Variants in HLF observed in about 807,000 individuals in gnomAD.
HLF encodes the protein hepatic leukemia factor.
In HLF, 3 loss-of-function variants were observed where a neutral mutation model predicts 22.6. The observed-to-expected ratio is 0.13, with a 90% confidence interval of 0.06 to 0.34. HLF has a LOEUF of 0.34. HLF is among the 10% of genes least tolerant of loss of function. HLF has a pLI of 1.00. For synonymous variants in HLF, 151 were observed against 151.8 expected, an observed-to-expected ratio of 0.99 and a Z score of 0.04; for missense variants, 299 against 389.2, an observed-to-expected ratio of 0.77 and a Z score of 1.95.
chr17:55,309,058 G>A (rs773753115), intron 2 of HLF, among the ~76,000 whole-genome samples: 3 of 152,208 alleles, frequency 2.0e-5, no homozygotes, highest in Non-Finnish European at 4.4e-5. Context: ...CATTCTGTTG[G>A]CCAGTGCAAG....
chr17:55,316,483 C>G (rs1351925035), intron 3 of HLF, among the ~76,000 whole-genome samples: 1 of 152,248 alleles, frequency 6.6e-6, no homozygotes, highest in Non-Finnish European at 1.5e-5. Flanking sequence ...GCAGAAGTAC[C>G]TGGCAAATTT....
At chr17:55,283,280 T>C (rs1223971350) in intron 2 of HLF, among the ~76,000 whole-genome samples, 4 of 152,128 alleles carry the variant, frequency 2.6e-5, no homozygotes, top group Non-Finnish European at 5.9e-5. Flanking sequence ...CCTGTGATAG[T>C]AGGTTTCATC....
intron 2 of HLF, among the ~76,000 whole-genome samples, chr17:55,299,647 G>A (rs575958191): frequency 7.2e-5 from 11 of 152,270 alleles, no homozygotes; most frequent in African/African-American, 2.4e-4. Context: ...CACGTCTAGC[G>A]CACTGCAGCC....
chr17:55,295,555 G>A (rs887130935), intron 2 of HLF, among the ~76,000 whole-genome samples: 1 of 152,192 alleles, frequency 6.6e-6, no homozygotes, highest in Admixed American at 6.5e-5. Context: ...TCTCAAACGT[G>A]GTGTTTAAAG....
intron 2 of HLF, among the ~76,000 whole-genome samples, chr17:55,277,579 T>C (rs2080916840): frequency 1.3e-5 from 2 of 150,942 alleles, no homozygotes; most frequent in South Asian, 4.2e-4. Flanking sequence ...TGTTTCATAT[T>C]GGGAGTACTA....
chr17:55,309,870 A>G (rs931116036), intron 2 of HLF, among the ~76,000 whole-genome samples: 1 of 152,218 alleles, frequency 6.6e-6, no homozygotes, highest in Non-Finnish European at 1.5e-5. Context: ...TAACACTATA[A>G]TTTGTGACTT....
chr17:55,297,401 C>T (rs1390056353), intron 2 of HLF, among the ~76,000 whole-genome samples: 1 of 152,080 alleles, frequency 6.6e-6, no homozygotes, highest in African/African-American at 2.4e-5. Context: ...GAAATGTTCC[C>T]AGGTTGGCAC....
rs556300669 is a variant in HLF at position 55,322,464 on chromosome 17, GAGA to G, written c.*1591_*1593del. The G allele has an allele frequency of 2.9e-5, 6 of 206,762 alleles. No homozygotes were observed. Among genetic ancestry groups the G allele is most frequent in the African/African-American group, 4.6e-5 (2 of 43,852 alleles). The allele number at this position is 206,762 out of a possible 1,614,324, so 12.8% of individuals were successfully genotyped here. On this transcript the variant is annotated 3_prime_UTR_variant, in exon 4 of 4. Transcript: ENST00000226067. The stretch of plus-strand genomic sequence containing the variant: ...GATATATATTCACCAATGTTGTACA[GAGA>G]AGAAGTGCTTGGGGGTTTTTGAAGT...
At position 55,282,634 on chromosome 17, in the gene HLF, G is replaced by C. The variant is rs576109013; in HGVS notation, c.451+14548G>C. 1.6e-4 allele frequency among the ~76,000 whole-genome samples: 24 copies of C among 152,294 alleles called. No individual in the cohort carries two copies. In the South Asian group the frequency reaches 4.6e-3, roughly 29 times the overall value. ...AGTTTGTCAGCATTAGATGTCTCTG[G>C]ACAGGACAGGTCACCAAATCTCTCA... On this transcript the variant is annotated intron_variant, in intron 2 of 3. Transcript: ENST00000226067.
intron 2 of HLF, among the ~76,000 whole-genome samples, chr17:55,297,384 T>A (rs1228399817): frequency 6.6e-6 from 1 of 152,204 alleles, no homozygotes; most frequent in Non-Finnish European, 1.5e-5. Context: ...TTCTCTTATT[T>A]CAGTTTGAAA....
In HLF at chr17:55,320,938, G is replaced by A; in HGVS notation, c.*59G>A. 2 of 1,362,574 alleles carry A rather than the reference G, an allele frequency of 1.5e-6. No homozygotes were observed. Among genetic ancestry groups the A allele is most frequent in the Non-Finnish European group, 2.0e-6 (2 of 978,150 alleles). 84.4% of individuals were successfully genotyped at this position (1,362,574 alleles called of 1,614,324 possible). ...TGGACAGTTTGTTTCCTGTCTGATA[G>A]CACCACACGCAAACCAACCTTTCTG... is the stretch of plus-strand genomic sequence containing the variant. On this transcript the variant is annotated 3_prime_UTR_variant, in exon 4 of 4. Coordinates refer to ENST00000226067, the MANE Select transcript of HLF (RefSeq NM_002126.5). The surrounding 1 kb of genome is among the most constrained non-coding windows in gnomAD (Gnocchi z 4.2).
At chr17:55,280,762 A>G (rs565298326) in intron 2 of HLF, among the ~76,000 whole-genome samples, 81 of 152,310 alleles carry the variant, frequency 5.3e-4, no homozygotes, top group Non-Finnish European at 7.8e-4. Context: ...TCTCTCAAAT[A>G]CATAATTCTT....
chr17:55,269,126 G>T (rs572850750), intron 2 of HLF, among the ~76,000 whole-genome samples: 1 of 152,276 alleles, frequency 6.6e-6, no homozygotes, highest in African/African-American at 2.4e-5. Context: ...CTCGACTCTT[G>T]TAGAAATTTC....
intron 2 of HLF, among the ~76,000 whole-genome samples, chr17:55,303,396 T>C (rs915594456): frequency 2.0e-5 from 3 of 152,136 alleles, no homozygotes; most frequent in Admixed American, 2.0e-4. Flanking sequence ...TAACCTACCA[T>C]CCATTCCCTG....
At chr17:55,297,956 G>A (rs112922635) in intron 2 of HLF, among the ~76,000 whole-genome samples, 2 of 151,956 alleles carry the variant, frequency 1.3e-5, no homozygotes, top group African/African-American at 4.8e-5. Flanking sequence ...CGCCATGTTG[G>A]TTGGGCTGGT....
intron 2 of HLF, among the ~76,000 whole-genome samples, chr17:55,289,211 G>A (rs577542986): frequency 1.3e-5 from 2 of 152,240 alleles, no homozygotes; most frequent in East Asian, 3.9e-4. Context: ...AACAGACTTG[G>A]CCTTGCTAAA....
chr17:55,267,881 G>T lies in HLF; in HGVS notation c.246G>T (p.Gln82His). Residue 82 changes from glutamine to histidine, a missense_variant, in exon 2 of 4, where the codon CAG becomes CAT. By Grantham distance (24) the Gln-to-His change is conservative. Around this residue, in one of 3 missense-constraint regions of HLF, gnomAD observed 224 missense variants for 298.1 expected, o/e 0.75. Transcript: ENST00000226067. ...KTLPYDGDTF[Q>H]LEYMDLEEFL... The stretch of plus-strand genomic sequence containing the variant: ...TTCCCTATGACGGAGATACTTTCCA[G>T]TTGGAATACATGGACCTGGAGGAGT... 6.2e-7 allele frequency: 1 copy of T among 1,614,152 alleles called. No homozygotes were observed. The highest frequency in any genetic ancestry group is 8.5e-7 in the Non-Finnish European group (1 of 1,180,030).
intron 2 of HLF, among the ~76,000 whole-genome samples, chr17:55,295,411 A>C (rs2081102648): frequency 6.6e-6 from 1 of 152,254 alleles, no homozygotes; most frequent in African/African-American, 2.4e-5. Flanking sequence ...GGGGAAAAAA[A>C]CAGAAAATTT....
intron 2 of HLF, among the ~76,000 whole-genome samples, chr17:55,308,745 G>A (rs182397293): frequency 6.6e-6 from 1 of 152,348 alleles, no homozygotes; most frequent in East Asian, 1.9e-4. Context: ...TTATAGGTCA[G>A]TCTCCATTGC....
Sources: allele counts gnomAD v4.1 joint callset (sites outside exome capture counted in the v4.1 genomes callset), GRCh38; gene constraint gnomAD v4.1.1; regional missense constraint gnomAD v4.1.1; non-coding constraint Gnocchi (gnomAD v3.1); transcripts MANE v1.5; gene names NCBI Gene and HGNC (gene_info 2026-07-23, HGNC 2026-07-21).